PAX8: variants seen among roughly 807,000 people sequenced by gnomAD.
PAX8 encodes paired box protein Pax-8.
In PAX8, 15 loss-of-function variants were observed where a neutral mutation model predicts 52.4. The observed-to-expected ratio is 0.29, with a 90% confidence interval of 0.19 to 0.44. The LOEUF is 0.44. PAX8 is among the 20% of genes least tolerant of loss of function. The pLI, the probability that PAX8 is intolerant of heterozygous loss-of-function variation, is 1.00. For missense variants in PAX8, 554 were observed against 602.5 expected (o/e 0.92, Z 0.84); for synonymous variants, 284 against 249.7 (o/e 1.14, Z -1.29).
intron 2 of PAX8, chr2:113,271,885 T>C (rs180865266): frequency 1.3e-5 from 2 of 151,942 alleles, no homozygotes; most frequent in Non-Finnish European, 2.9e-5. Context: ...GATGAATACA[T>C]CTGCTCTCAG....
rs113984229 is a variant in PAX8 at position 113,226,407 on chromosome 2, T to C, written c.1189+748A>G. 941 of 986,010 alleles carry C rather than the reference T, an allele frequency of 9.5e-4. 6 individuals are homozygous for C. The African/African-American group carries it at 0.016, about 16-fold the overall frequency. The allele number at this position is 986,010 out of a possible 1,614,324, so 61.1% of individuals were successfully genotyped here. On this transcript the variant is annotated intron_variant, in intron 10 of 11. Transcript: ENST00000429538. ...TCTTCCCTACATGGCTCCTAAAAAA[T>C]TGAGACTTGCCCAAGGAAACTCCCA...
chr2:113,254,928 T>C (rs1251838066), intron 2 of PAX8, among the ~76,000 whole-genome samples: 1 of 152,058 alleles, frequency 6.6e-6, no homozygotes, highest in Non-Finnish European at 1.5e-5. Context: ...CCCTGCCTGC[T>C]CTCTTTGGTC....
In PAX8 at chr2:113,241,610, A is replaced by G; in HGVS notation, c.718T>C (p.Phe240Leu). 1.2e-6 allele frequency: 2 copies of G among 1,613,794 alleles called. No homozygotes were observed. The highest frequency in any genetic ancestry group is 1.1e-5 in the South Asian group (1 of 91,068). The change falls in exon 7 of 12, where the codon TTT (phenylalanine) becomes CTT (leucine). Residue 240 changes from phenylalanine to leucine, a missense_variant. By Grantham distance (22) the Phe-to-Leu change is conservative (BLOSUM62 0). Around this residue, in one of 2 missense-constraint regions of PAX8, gnomAD observed 445 missense variants for 409.9 expected, o/e 1.09. Coordinates refer to ENST00000429538, the MANE Select transcript of PAX8 (RefSeq NM_003466.4). ...GCCTCTGGGTAGTGCTGCCGCTCAAATGGGCACTCGAGCGGCTCGAGGTGG... is the reference window on the plus strand; with the variant it reads ...GCCTCTGGGTAGTGCTGCCGCTCAAGTGGGCACTCGAGCGGCTCGAGGTGG... ...QHHLEPLECP[F>L]ERQHYPEAYA...
chr2:113,235,168 T>C (rs2104454465), intron 9 of PAX8, among the ~76,000 whole-genome samples: 1 of 152,342 alleles, frequency 6.6e-6, no homozygotes, highest in Admixed American at 6.5e-5. Context: ...CCATGGGGTC[T>C]TGGGGTGGTG....
At chr2:113,253,116 A>G (rs1160605884) in intron 2 of PAX8, among the ~76,000 whole-genome samples, 5 of 152,052 alleles carry the variant, frequency 3.3e-5, no homozygotes, top group African/African-American at 9.7e-5. Context: ...TTTAGTGACA[A>G]TCCCATCTCC....
chr2:113,276,058 A>G (rs942589648), intron 2 of PAX8: 6 of 152,024 alleles, frequency 3.9e-5, no homozygotes, highest in African/African-American at 1.5e-4. Flanking sequence ...CTCACAGAAA[A>G]CTCAAGGGGA....
At chr2:113,243,297 C>T (rs75934367) in intron 4 of PAX8, among the ~76,000 whole-genome samples, 7,394 of 152,320 alleles carry the variant, frequency 0.049, 264 homozygotes, top group South Asian at 0.15. Context: ...AGATATAACA[C>T]AGCCCCCAGC....
intron 4 of PAX8, 84 bp downstream of exon 4, chr2:113,244,343 A>G (rs1460523916): frequency 6.5e-6 from 7 of 1,070,432 alleles, no homozygotes; most frequent in Non-Finnish European, 1.0e-5. Context: ...TGCTCCACCC[A>G]AGCCAGGCCT....
At chr2:113,247,538 GAGC>G (rs1691431872) in intron 2 of PAX8, among the ~76,000 whole-genome samples, 2 of 152,190 alleles carry the variant, frequency 1.3e-5, no homozygotes, top group Non-Finnish European at 2.9e-5. Flanking sequence ...TAATAGGCCA[GAGC>G]AGCAGGGACC....
At chr2:113,263,847 G>A (rs1379444673) in intron 2 of PAX8, among the ~76,000 whole-genome samples, 1 of 151,946 alleles carries the variant, frequency 6.6e-6, no homozygotes, top group Non-Finnish European at 1.5e-5. Flanking sequence ...CAGATTCCAG[G>A]GCTCCATATT....
chr2:113,234,019 AG>A (rs1313587934), intron 9 of PAX8, among the ~76,000 whole-genome samples: 1 of 152,176 alleles, frequency 6.6e-6, no homozygotes, highest in Non-Finnish European at 1.5e-5. Flanking sequence ...TCGGGGTAGG[AG>A]GGTGTGGGAG....
intron 2 of PAX8, chr2:113,267,110 G>A (rs1445808913): frequency 6.6e-6 from 1 of 152,258 alleles, no homozygotes; most frequent in East Asian, 1.9e-4. Flanking sequence ...AGGGGTCTCA[G>A]GCGCAGAGTG....
chr2:113,244,705 C>T (rs1691161127), intron 3 of PAX8, 81 bp from the exon 4 acceptor site: 39 of 1,273,018 alleles, frequency 3.1e-5, no homozygotes, highest in Non-Finnish European at 4.5e-5. Flanking sequence ...AGCCTCCCTC[C>T]TCTCTGAGGC....
chr2:113,231,106 G>A (rs1162678897), intron 9 of PAX8, among the ~76,000 whole-genome samples: 1 of 152,198 alleles, frequency 6.6e-6, no homozygotes, highest in Non-Finnish European at 1.5e-5. Flanking sequence ...CCCCTTTGAA[G>A]TCTGCCCTCC....
chr2:113,242,138 G>A lies in PAX8; in HGVS notation c.479-8C>T, dbSNP rs771980586. The A allele has an allele frequency of 1.2e-6, 2 of 1,610,350 alleles. No homozygotes were observed. Among genetic ancestry groups the A allele is most frequent in the Non-Finnish European group, 8.5e-7 (1 of 1,177,274 alleles). Reference sequence around the variant, plus strand: ...TTACAGCTGAGCTGGGGACTGCAGTGGGGGAGAGGGAGAGGGTCAGGGGTG... The same window carrying A: ...TTACAGCTGAGCTGGGGACTGCAGTAGGGGAGAGGGAGAGGGTCAGGGGTG... On this transcript the variant is annotated splice_polypyrimidine_tract_variant and splice_region_variant and intron_variant, in intron 5 of 11. Coordinates refer to ENST00000429538, the MANE Select transcript of PAX8 (RefSeq NM_003466.4).
intron 2 of PAX8, among the ~76,000 whole-genome samples, chr2:113,256,519 C>T (rs1332703248): frequency 6.6e-6 from 1 of 152,080 alleles, no homozygotes; most frequent in African/African-American, 2.4e-5. Context: ...CTTTAAACTT[C>T]TACTACTTGC....
intron 3 of PAX8, among the ~76,000 whole-genome samples, chr2:113,246,059 G>C (rs1691294835): frequency 1.3e-5 from 2 of 152,238 alleles, no homozygotes; most frequent in African/African-American, 2.4e-5. Flanking sequence ...CTCAGAAGCA[G>C]GCCTTTGCTG....
chr2:113,272,330 C>T (rs1259808744), intron 2 of PAX8: 2 of 152,144 alleles, frequency 1.3e-5, no homozygotes, highest in Non-Finnish European at 2.9e-5. Flanking sequence ...TTTTTCTGGC[C>T]AGTGGCTTAT....
Position 113,241,653 on chromosome 2 carries a change from C to T in PAX8, c.675G>A (p.Thr225=), listed in dbSNP as rs766874801. The T allele has an allele frequency of 8.7e-6, 14 of 1,613,984 alleles. No homozygotes were observed. Among genetic ancestry groups the T allele is most frequent in the Middle Eastern group, 1.6e-4 (1 of 6,078 alleles). The stretch of plus-strand genomic sequence containing the variant: ...CGAGGTGGTGCTGGCTGAAGGCATC[C>T]GTGCGAAGGTGCTTTCGGGGTCCGC... ...SSSGPRKHLR[T]DAFSQHHLEP... is the part of the protein sequence containing the mutation. The change falls in exon 7 of 12, where the codon ACG becomes ACA. Residue 225 remains threonine, a synonymous_variant. Transcript: ENST00000429538.
Sources: allele counts gnomAD v4.1 joint callset (sites outside exome capture counted in the v4.1 genomes callset), GRCh38; gene constraint gnomAD v4.1.1; regional missense constraint gnomAD v4.1.1; transcripts MANE v1.5; gene names NCBI Gene and HGNC (gene_info 2026-07-23, HGNC 2026-07-21).